COQ7: variants seen among roughly 807,000 people sequenced by gnomAD.
The protein encoded by COQ7 is coenzyme Q7, hydroxylase, also known as NADPH-dependent 3-demethoxyubiquinone 3-hydroxylase, mitochondrial.
COQ7 carries 21 observed loss-of-function variants against 25.0 expected under a neutral mutation model. That is an observed-to-expected ratio of 0.84 (90% CI 0.60 to 1.21). The LOEUF (loss-of-function observed/expected upper bound fraction) is 1.21, where lower values mean the gene tolerates loss of function less well. COQ7 is among the 50% of genes most tolerant of loss of function. The pLI is 0.00. For synonymous variants in COQ7, 125 were observed against 112.4 expected (o/e 1.11, Z -0.71); for missense variants, 311 against 296.2 (o/e 1.05, Z -0.37).
intron 1 of COQ7, 149 bp from the exon 2 acceptor site, chr16:19,071,779 T>C: frequency 4.0e-6 from 3 of 758,382 alleles, no homozygotes; most frequent in Non-Finnish European, 6.6e-6. Context: ...GTTTTAACAC[T>C]GTAGGTTAAA....
chr16:19,074,165 G>A, intron 3 of COQ7, 130 bp downstream of exon 3: 1 of 594,536 alleles, frequency 1.7e-6, no homozygotes, highest in Non-Finnish European at 2.8e-6. Context: ...ATTTTTCCGA[G>A]GTTAAATTGA....
At chr16:19,082,589 G>T (rs1490816190), downstream of COQ7, among the ~76,000 whole-genome samples, 1 of 152,050 alleles carries the variant, frequency 6.6e-6, no homozygotes, top group East Asian at 1.9e-4. Context: ...TTCAAGACCA[G>T]CCTGGCCAAG....
At chr16:19,073,143 TA>T (rs752989921) in intron 2 of COQ7, among the ~76,000 whole-genome samples, 4 of 152,040 alleles carry the variant, frequency 2.6e-5, no homozygotes, top group Non-Finnish European at 5.9e-5. Flanking sequence ...CTGTCTCTAC[TA>T]AAAATACAAA....
chr16:19,072,262 A>C, intron 2 of COQ7, 156 bp downstream of exon 2: 1 of 784,592 alleles, frequency 1.3e-6, no homozygotes, highest in East Asian at 2.7e-5. Context: ...GGGAGCAAAA[A>C]GCATATTGTT....
At chr16:19,068,343 C>T (rs1229354428) in intron 1 of COQ7, 27 of 990,102 alleles carry the variant, frequency 2.7e-5, no homozygotes, top group Non-Finnish European at 3.0e-5. Context: ...CTTGTTTCAT[C>T]TGTGCTGCCT....
intron 2 of COQ7, among the ~76,000 whole-genome samples, chr16:19,072,751 T>C (rs1217668805): frequency 6.6e-6 from 1 of 152,222 alleles, no homozygotes; most frequent in East Asian, 1.9e-4. Flanking sequence ...TCATAGTGTG[T>C]CCTTCACAGG....
rs1488092758 is a variant in COQ7, at chr16:19,079,778, G to C, written c.*1620G>C. ...GACTTGGCAGGACTTGCCCCACCAG[G>C]GTCTGGCTTTGAAGGGTAGTGGACA... is the stretch of plus-strand genomic sequence containing the variant. On this transcript the variant is annotated 3_prime_UTR_variant, in exon 6 of 6. Coordinates refer to ENST00000321998, the MANE Select transcript of COQ7 (RefSeq NM_016138.5). 15 of 152,134 alleles carry C rather than the reference G, an allele frequency of 9.9e-5. No individual in the cohort carries two copies. The highest frequency in any genetic ancestry group is 9.8e-4 in the Admixed American group (15 of 15,280). 9.4% of individuals were successfully genotyped at this position (152,134 alleles called of 1,614,324 possible). A position where few individuals can be genotyped will look rare whatever the true frequency, so the allele number is the denominator to read the frequency against.
intron 1 of COQ7, 37 bp from the exon 2 acceptor site, chr16:19,071,891 A>C: frequency 1.2e-6 from 2 of 1,611,784 alleles, no homozygotes; most frequent in Non-Finnish European, 1.7e-6. Flanking sequence ...TCTGGATTTT[A>C]CCTGATCATA....
chr16:19,068,910 T>C (rs1450080348), intron 1 of COQ7: 2 of 425,856 alleles, frequency 4.7e-6, no homozygotes, highest in Non-Finnish European at 4.6e-6. Context: ...ACAAACAAAT[T>C]AAAAAGTTAT....
In COQ7 at chr16:19,078,068, T is replaced by C. The variant is rs1195474670; in HGVS notation, c.577-13T>C. The C allele has an allele frequency of 1.9e-6, 3 of 1,584,190 alleles. No individual in the cohort carries two copies. Among genetic ancestry groups the C allele is most frequent in the Admixed American group, 3.6e-5 (2 of 55,004 alleles). On this transcript the variant is annotated splice_polypyrimidine_tract_variant and intron_variant, in intron 5 of 5. Coordinates refer to ENST00000321998, the MANE Select transcript of COQ7 (RefSeq NM_016138.5). Reference sequence around the variant, plus strand: ...CATAACATGTTTCTTTGTTTGCTTATTGTTTTTAACAGGCTCCAGCCTATG... The same window carrying C: ...CATAACATGTTTCTTTGTTTGCTTACTGTTTTTAACAGGCTCCAGCCTATG...
At chr16:19,070,471 G>A (rs574323511) in intron 1 of COQ7, among the ~76,000 whole-genome samples, 8 of 152,288 alleles carry the variant, frequency 5.3e-5, no homozygotes, top group African/African-American at 1.9e-4. Context: ...GGTGGCTCAC[G>A]CCTGTAATCC....
chr16:19,072,190 AG>A, intron 2 of COQ7, 84 bp downstream of exon 2: 1 of 1,524,376 alleles, frequency 6.6e-7, no homozygotes, highest in Non-Finnish European at 9.0e-7. Flanking sequence ...TGGGAGGTCA[AG>A]CGTTCCCTAG....
chr16:19,080,340 A>G (rs997426060), downstream of COQ7, among the ~76,000 whole-genome samples: 1 of 152,222 alleles, frequency 6.6e-6, no homozygotes, highest in Admixed American at 6.5e-5. Flanking sequence ...ACTACCAAAA[A>G]AAGAAGGGAA....
Position 19,078,292 on chromosome 16 carries a change from T to G in COQ7, c.*134T>G, listed in dbSNP as rs1284420463. 7.2e-6 allele frequency: 5 copies of G among 695,196 alleles called. No homozygotes were observed. Among genetic ancestry groups the G allele is most frequent in the East Asian group, 6.6e-5 (2 of 30,410 alleles). 43.1% of individuals were successfully genotyped at this position (695,196 alleles called of 1,614,324 possible). ...TGTTAATAAATTATAAGGTTTGTTT[T>G]TTTTTTTTTAAACTCTGCAGTGTTG... is the stretch of plus-strand genomic sequence containing the variant. On this transcript the variant is annotated 3_prime_UTR_variant, in exon 6 of 6. Coordinates refer to ENST00000321998, the MANE Select transcript of COQ7 (RefSeq NM_016138.5).
chr16:19,079,878 A>G lies in COQ7; in HGVS notation c.*1720A>G, dbSNP rs1261364493. On this transcript the variant is annotated 3_prime_UTR_variant, in exon 6 of 6. Coordinates refer to ENST00000321998, the MANE Select transcript of COQ7 (RefSeq NM_016138.5). ...GAGAGTGAATTTATGTAATTGAGTG[A>G]AAGTCTACGAATCATAATTGTAATA... is the stretch of plus-strand genomic sequence containing the variant. The G allele has an allele frequency of 6.6e-6, 1 of 152,226 alleles. No individual in the cohort carries two copies. The highest frequency in any genetic ancestry group is 1.5e-5 in the Non-Finnish European group (1 of 68,054). 9.4% of individuals were successfully genotyped at this position (152,226 alleles called of 1,614,324 possible).
intron 2 of COQ7, among the ~76,000 whole-genome samples, chr16:19,073,151 C>G (rs187298823): frequency 1.6e-4 from 24 of 152,120 alleles, no homozygotes; most frequent in African/African-American, 4.6e-4. Context: ...ACTAAAAATA[C>G]AAAACAAATC....
chr16:19,082,832 A>G (rs974273628), downstream of COQ7, among the ~76,000 whole-genome samples: 2 of 151,456 alleles, frequency 1.3e-5, no homozygotes, highest in African/African-American at 4.9e-5. Context: ...AAACATGCTA[A>G]GTGAAAGAAG....
chr16:19,080,962 G>C (rs1963087543), downstream of COQ7, among the ~76,000 whole-genome samples: 1 of 152,008 alleles, frequency 6.6e-6, no homozygotes, highest in Non-Finnish European at 1.5e-5. Flanking sequence ...TGTGATATTA[G>C]AATAAAGGAA....
Position 19,077,400 on chromosome 16 carries a change from G to A in COQ7, c.576+26G>A, listed in dbSNP as rs751204020. ...GTAGGGCCCTACTGTTACCTGTTCT[G>A]CTTTGGGACTCCTTATTTGGGAGGC... On this transcript the variant is annotated intron_variant, in intron 5 of 5. Transcript: ENST00000321998. 2.5e-6 allele frequency: 4 copies of A among 1,599,186 alleles called. No individual in the cohort carries two copies. The Admixed American group carries it at 5.0e-5, about 20-fold the overall frequency.
Sources: allele counts gnomAD v4.1 joint callset (sites outside exome capture counted in the v4.1 genomes callset), GRCh38; gene constraint gnomAD v4.1.1; transcripts MANE v1.5; gene names NCBI Gene and HGNC (gene_info 2026-07-23, HGNC 2026-07-21).